MYMK: variants seen among roughly 807,000 people sequenced by gnomAD.
The protein encoded by MYMK is myomaker, myoblast fusion factor, also known as protein myomaker.
A neutral mutation model predicts 22.4 loss-of-function variants in MYMK; 16 were observed. The observed-to-expected ratio is 0.72, with a 90% CI of 0.48 to 1.09. The LOEUF (loss-of-function observed/expected upper bound fraction) is 1.09. Ranked by LOEUF, MYMK falls within the 50% of genes least tolerant of loss-of-function variation. The pLI, the probability that MYMK is intolerant of heterozygous loss-of-function variation, is 0.00. For missense variants in MYMK, 250 were observed against 295.6 expected (o/e 0.85, Z 1.13); for synonymous variants, 125 against 127.0 (o/e 0.98, Z 0.11).
chr9:133,524,914 G>C lies in MYMK; in HGVS notation c.-70C>G. ...TCCCAGGTCCCCAGCACAGGAGCAC[G>C]AAGTGGGAAGGCCAGCTCCCTTTGG... On this transcript the variant is annotated 5_prime_UTR_variant, in exon 1 of 5. Transcript: ENST00000339996. 1 of 1,521,052 alleles carries C rather than the reference G, an allele frequency of 6.6e-7. No individual in the cohort carries two copies. The highest frequency in any genetic ancestry group is 8.8e-7 in the Non-Finnish European group (1 of 1,133,930). The allele number at this position is 1,521,052 out of a possible 1,614,324, so 94.2% of individuals were successfully genotyped here. A position where few individuals can be genotyped will look rare whatever the true frequency, so the allele number is the denominator to read the frequency against.
At chr9:133,520,802 C>T (rs1044873766) in intron 1 of MYMK, among the ~76,000 whole-genome samples, 1 of 152,198 alleles carries the variant, frequency 6.6e-6, no homozygotes. Flanking sequence ...CAAATTACCC[C>T]TCTGATGACT....
chr9:133,518,678 A>G (rs1459452218), intron 3 of MYMK, among the ~76,000 whole-genome samples, 196 bp downstream of exon 3: 1 of 152,056 alleles, frequency 6.6e-6, no homozygotes, highest in Non-Finnish European at 1.5e-5. Flanking sequence ...TGGTGAGTAC[A>G]GACAAGCGTC....
chr9:133,518,094 T>C (rs9286382), intron 3 of MYMK, among the ~76,000 whole-genome samples: 141,361 of 152,350 alleles, frequency 0.93, 65,872 homozygotes, highest in East Asian at 1. Context: ...GCCTGCTGGC[T>C]CCCCAGGTCT....
At chr9:133,521,210 ACTCT>A (rs758894159) in intron 1 of MYMK, among the ~76,000 whole-genome samples, 1 of 151,892 alleles carries the variant, frequency 6.6e-6, no homozygotes, top group Non-Finnish European at 1.5e-5. Context: ...ACGGAAAACA[ACTCT>A]CTCTCCTTTT....
At chr9:133,523,682 GGAGAGAGAGAGAGA>G (rs35845164) in intron 1 of MYMK, among the ~76,000 whole-genome samples, 4 of 121,446 alleles carry the variant, frequency 3.3e-5, no homozygotes, top group Admixed American at 8.4e-5. Context: ...AGAGATAGAT[GGAGAGAGAGAGAGA>G]GAGAGAGAGA....
At position 133,524,742 on chromosome 9, in the gene MYMK, T is replaced by A. The variant is rs187288258; in HGVS notation, c.103A>T (p.Met35Leu). 54 of 1,614,150 alleles carry A rather than the reference T, an allele frequency of 3.3e-5. No individual in the cohort carries two copies. In the East Asian group the frequency reaches 5.6e-4, roughly 17 times the overall value. ...AAGAACAGGGTGAAGAGGTAGACCA[T>A]GGCCTCCATGTGGAACCGCCTCTTG... is the stretch of plus-strand genomic sequence containing the variant. ...AAKRRFHMEA[M>L]VYLFTLFFVA... The change falls in exon 1 of 5, where the codon ATG becomes TTG. Residue 35 changes from methionine to leucine, a missense_variant. Met to Leu is a conservative substitution (Grantham distance 15). Coordinates refer to ENST00000339996, the MANE Select transcript of MYMK (RefSeq NM_001080483.3).
rs1388511164 is a variant in MYMK, at chr9:133,520,210, A to T, written c.214T>A (p.Tyr72Asn). 2 of 1,614,140 alleles carry T rather than the reference A, an allele frequency of 1.2e-6. No individual in the cohort carries two copies. Among genetic ancestry groups the T allele is most frequent in the Admixed American group, 1.7e-5 (1 of 60,024 alleles). The change falls in exon 2 of 5, where the codon TAC becomes AAC. Residue 72 changes from tyrosine (Y) to asparagine (N), a missense_variant. Physicochemically the swap from Tyr to Asn is moderately radical, Grantham distance 143. Transcript: ENST00000339996. ...ACCCACATGCTCAGGGCTGTCCCGT[A>T]GACACTGAAATACTCCAGGATGTCG... ...RHDILEYFSV[Y>N]GTALSMWVSL...
chr9:133,516,916 A>G (rs548116827), intron 3 of MYMK, among the ~76,000 whole-genome samples: 17 of 152,306 alleles, frequency 1.1e-4, no homozygotes, highest in African/African-American at 2.4e-4. Context: ...ATCCACCCTC[A>G]TTCCAGGAAA....
intron 1 of MYMK, among the ~76,000 whole-genome samples, chr9:133,521,597 AT>A (rs1844703598): frequency 6.6e-6 from 1 of 152,206 alleles, no homozygotes; most frequent in African/African-American, 2.4e-5. Flanking sequence ...CCAGAAGACT[AT>A]GCCGAGCTCT....
At chr9:133,523,231 C>T (rs1467257432) in intron 1 of MYMK, among the ~76,000 whole-genome samples, 2 of 152,264 alleles carry the variant, frequency 1.3e-5, no homozygotes, top group African/African-American at 4.8e-5. Context: ...TATATGCTTG[C>T]AAACACACGT....
chr9:133,521,606 T>C (rs1844703811), intron 1 of MYMK, among the ~76,000 whole-genome samples: 2 of 152,172 alleles, frequency 1.3e-5, no homozygotes, highest in Admixed American at 6.5e-5. Flanking sequence ...TATGCCGAGC[T>C]CTGTGTGGTG....
At position 133,524,785 on chromosome 9, in the gene MYMK, G is replaced by A. The variant is rs145126387; in HGVS notation, c.60C>T (p.Pro20=). The change falls in exon 1 of 5, where the codon CCC becomes CCT. Residue 20 remains proline, a synonymous_variant. Coordinates refer to ENST00000339996, the MANE Select transcript of MYMK (RefSeq NM_001080483.3). The part of the protein sequence containing the change: ...LPTLSSLAFL[P]TVSIAAKRRF... ...GCCTCTTGGCCGCGATGCTGACAGTGGGGAGGAAGGCCAGGCTGCTGAGGG... is the reference window on the plus strand; with the variant it reads ...GCCTCTTGGCCGCGATGCTGACAGTAGGGAGGAAGGCCAGGCTGCTGAGGG... 2.5e-6 allele frequency: 4 copies of A among 1,614,012 alleles called. No individual in the cohort carries two copies. The African/African-American group carries it at 4.0e-5, about 16-fold the overall frequency.
At chr9:133,516,422 G>C (rs766959634) in intron 3 of MYMK, among the ~76,000 whole-genome samples, 1 of 152,142 alleles carries the variant, frequency 6.6e-6, no homozygotes, top group Admixed American at 6.5e-5. Context: ...AGACCCGTGG[G>C]GGTACACTCA....
At chr9:133,519,085 C>G (rs1269244102) in intron 2 of MYMK, 63 bp from the exon 3 acceptor site, 6 of 1,596,480 alleles carry the variant, frequency 3.8e-6, no homozygotes, top group Non-Finnish European at 4.3e-6. Context: ...CTGGCTACCC[C>G]CCCACCCCCC....
At chr9:133,522,294 G>A (rs1438548415) in intron 1 of MYMK, among the ~76,000 whole-genome samples, 1 of 150,476 alleles carries the variant, frequency 6.6e-6, no homozygotes, top group African/African-American at 2.4e-5. Context: ...CAGGCTCGGG[G>A]AGTCTGACTT....
intron 3 of MYMK, among the ~76,000 whole-genome samples, chr9:133,517,527 G>A (rs1440959330): frequency 2.0e-5 from 3 of 152,158 alleles, no homozygotes; most frequent in Admixed American, 6.5e-5. Context: ...TTACCTGGGC[G>A]TGATGGCATG....
chr9:133,516,967 G>A (rs1401889407), intron 3 of MYMK, among the ~76,000 whole-genome samples: 2 of 152,198 alleles, frequency 1.3e-5, no homozygotes, highest in African/African-American at 2.4e-5. Context: ...CATACTAAAT[G>A]GTCTAGAAGA....
Position 133,524,864 on chromosome 9 carries a change from G to C in MYMK, c.-20C>G. The C allele has an allele frequency of 6.3e-7, 1 of 1,591,298 alleles. No homozygotes were observed. Among genetic ancestry groups the C allele is most frequent in the Non-Finnish European group, 8.6e-7 (1 of 1,168,212 alleles). ...CCCCATGGGCCAGGAGGAAAGCACT[G>C]GCTGGGGTGGGGAGGGTGCTGGTGT... On this transcript the variant is annotated 5_prime_UTR_variant, in exon 1 of 5. Coordinates refer to ENST00000339996, the MANE Select transcript of MYMK (RefSeq NM_001080483.3).
intron 3 of MYMK, among the ~76,000 whole-genome samples, chr9:133,516,244 G>A (rs1194331681): frequency 2.6e-5 from 4 of 152,230 alleles, no homozygotes; most frequent in Non-Finnish European, 5.9e-5. Flanking sequence ...TGTTTTCTAG[G>A]CCACTTCACA....
Sources: allele counts gnomAD v4.1 joint callset (sites outside exome capture counted in the v4.1 genomes callset), GRCh38; gene constraint gnomAD v4.1.1; transcripts MANE v1.5; gene names NCBI Gene and HGNC (gene_info 2026-07-23, HGNC 2026-07-21).